CSMD3: variants seen among roughly 807,000 people sequenced by gnomAD.
CSMD3 encodes the protein CUB and sushi domain-containing protein 3.
CSMD3 carries 177 observed loss-of-function variants against 435.2 expected under a neutral mutation model. The observed-to-expected ratio is 0.41, with a 90% CI of 0.36 to 0.46. The LOEUF (loss-of-function observed/expected upper bound fraction) is 0.46, where lower values mean the gene tolerates loss of function less well. Among genes scored for constraint, CSMD3 ranks in the 20% least tolerant of loss-of-function variants. The probability of loss-of-function intolerance (pLI) is 0.34; values close to 1 mark genes in which losing one functional copy is unlikely to be tolerated. For missense variants in CSMD3, 4,265 were observed against 4,504.6 expected (o/e 0.95, Z 1.52); for synonymous variants, 1,656 against 1,520.5 (o/e 1.09, Z -2.07).
chr8:112,231,203 G>A (rs1215377677), intron 69 of CSMD3, among the ~76,000 whole-genome samples: 3 of 152,192 alleles, frequency 2.0e-5, no homozygotes, highest in Non-Finnish European at 4.4e-5. Context: ...AAGAAAAGTA[G>A]TACAGTTCTC....
chr8:113,080,734 C>G lies in CSMD3; in HGVS notation c.917+18022G>C, dbSNP rs77182434. On this transcript the variant is annotated intron_variant, in intron 5 of 70. Transcript: ENST00000297405. The stretch of plus-strand genomic sequence containing the variant: ...TATTTCCCTAGGTGTAGTTTCTAAC[C>G]AGAGAAACCAAATTTGACTGAAATA... 5.1e-4 allele frequency among the ~76,000 whole-genome samples: 78 copies of G among 152,240 alleles called. 1 individual carries two copies. The East Asian group carries it at 9.3e-3, about 18-fold the overall frequency.
intron 16 of CSMD3, among the ~76,000 whole-genome samples, chr8:112,670,311 A>G (rs1312317754): frequency 6.6e-6 from 1 of 152,192 alleles, no homozygotes; most frequent in Non-Finnish European, 1.5e-5. Context: ...AGAAGTGATG[A>G]GAGAAAATTA....
intron 4 of CSMD3, among the ~76,000 whole-genome samples, chr8:113,126,396 A>AAT (rs2091129668): frequency 6.6e-6 from 1 of 151,936 alleles, no homozygotes; most frequent in African/African-American, 2.4e-5. Context: ...TATATCAAAA[A>AAT]ATATATATAT....
At chr8:113,253,225 A>T (rs913612612) in intron 3 of CSMD3, among the ~76,000 whole-genome samples, 1 of 152,040 alleles carries the variant, frequency 6.6e-6, no homozygotes. Flanking sequence ...GCTGACAAAA[A>T]AAAACTGACT....
intron 4 of CSMD3, among the ~76,000 whole-genome samples, chr8:113,127,191 T>C (rs1209153354): frequency 1.3e-5 from 2 of 152,038 alleles, no homozygotes; most frequent in African/African-American, 4.8e-5. Flanking sequence ...TAGTTAACAT[T>C]TGTTGAAAGG....
chr8:113,391,465 T>C (rs1001033373), intron 1 of CSMD3, among the ~76,000 whole-genome samples: 1 of 152,042 alleles, frequency 6.6e-6, no homozygotes, highest in African/African-American at 2.4e-5. Flanking sequence ...TTAGAAGTAA[T>C]TATTTGTATT....
chr8:112,284,567 T>G (rs866377198), intron 58 of CSMD3, among the ~76,000 whole-genome samples: 5,296 of 151,916 alleles, frequency 0.035, 303 homozygotes, highest in African/African-American at 0.12. Context: ...TATCGTAATA[T>G]TTTATTGACT....
rs2074736583 is a variant in CSMD3, at chr8:112,638,798, G to A, written c.3424C>T (p.Pro1142Ser). The change falls in exon 21 of 71, where the codon CCT becomes TCT. Residue 1142 changes from proline to serine, a missense_variant. Pro to Ser is a moderately conservative substitution (Grantham distance 74). Around this residue, in one of 3 missense-constraint regions of CSMD3, gnomAD observed 3,255 missense variants for 3,380.2 expected, o/e 0.96. Coordinates refer to ENST00000297405, the MANE Select transcript of CSMD3 (RefSeq NM_198123.2). Reference sequence around the variant, plus strand: ...TAGAGACCAGCATTGATTGTTGGAGGAAGATCTGAACCAGTCAGGCGTGCC... The same window carrying A: ...TAGAGACCAGCATTGATTGTTGGAGAAAGATCTGAACCAGTCAGGCGTGCC... The part of the protein sequence containing the change: ...PLARLTGSDL[P>S]PTINAGLYGN... 1 of 1,612,478 alleles carries A rather than the reference G, an allele frequency of 6.2e-7. No homozygotes were observed. The highest frequency in any genetic ancestry group is 8.5e-7 in the Non-Finnish European group (1 of 1,178,766).
chr8:112,761,907 G>A (rs1193838640), intron 13 of CSMD3, among the ~76,000 whole-genome samples: 1 of 152,014 alleles, frequency 6.6e-6, no homozygotes, highest in African/African-American at 2.4e-5. Flanking sequence ...TACTGCAACC[G>A]AAAATCTTGA....
chr8:113,149,416 T>C (rs1446944675), intron 4 of CSMD3, among the ~76,000 whole-genome samples: 1 of 151,764 alleles, frequency 6.6e-6, no homozygotes, highest in African/African-American at 2.4e-5. Flanking sequence ...ACTTATAAAA[T>C]TGCACTGCTT....
intron 29 of CSMD3, among the ~76,000 whole-genome samples, chr8:112,504,958 G>A (rs899499494): frequency 1.3e-5 from 2 of 152,076 alleles, no homozygotes; most frequent in African/African-American, 4.8e-5. Context: ...AACTATTTTG[G>A]CAAGTTTTAT....
intron 3 of CSMD3, among the ~76,000 whole-genome samples, chr8:113,202,059 G>A (rs2092721201): frequency 6.6e-6 from 1 of 152,102 alleles, no homozygotes; most frequent in Admixed American, 6.6e-5. Flanking sequence ...TCTATTGATG[G>A]CGCTTTCACA....
At chr8:113,330,491 A>T (rs2094019074) in intron 1 of CSMD3, among the ~76,000 whole-genome samples, 1 of 151,996 alleles carries the variant, frequency 6.6e-6, no homozygotes, top group South Asian at 2.1e-4. Context: ...AATGGAATAA[A>T]CACTCCAATT....
intron 32 of CSMD3, among the ~76,000 whole-genome samples, chr8:112,410,628 G>GTATATATATATGTATATATATGTA: frequency 1.4e-5 from 1 of 69,954 alleles, no homozygotes. Flanking sequence ...ATATATATGT[G>GTATATATATATGTATATATATGTA]TATATATATG....
At chr8:113,424,662 T>A (rs2094625786) in intron 1 of CSMD3, among the ~76,000 whole-genome samples, 1 of 151,142 alleles carries the variant, frequency 6.6e-6, no homozygotes, top group African/African-American at 2.4e-5. Context: ...ATTAAAGAAA[T>A]ACATGTGGGA....
chr8:112,729,811 T>G (rs1412251701), intron 13 of CSMD3, among the ~76,000 whole-genome samples: 3 of 152,048 alleles, frequency 2.0e-5, no homozygotes, highest in Non-Finnish European at 4.4e-5. Flanking sequence ...CACTATAAAC[T>G]GGAAGAGGCA....
chr8:113,033,634 A>C lies in CSMD3; in HGVS notation c.918-14455T>G, dbSNP rs1276041240. ...TTGATTTTACAGGCTGATATGTGGAAGGGACTTGCCATGTCTCAGATGAGA... is the reference window on the plus strand; with the variant it reads ...TTGATTTTACAGGCTGATATGTGGACGGGACTTGCCATGTCTCAGATGAGA... On this transcript the variant is annotated intron_variant, in intron 5 of 70. Transcript: ENST00000297405. Among the ~76,000 whole-genome samples the C allele has an allele frequency of 2.0e-5, 3 of 149,926 alleles. No homozygotes were observed. The East Asian group carries it at 5.8e-4, about 29-fold the overall frequency.
At chr8:112,663,839 A>G (rs2075450250) in intron 17 of CSMD3, among the ~76,000 whole-genome samples, 1 of 152,162 alleles carries the variant, frequency 6.6e-6, no homozygotes, top group African/African-American at 2.4e-5. Context: ...ATGCAAATGA[A>G]TAGAGTAATG....
At chr8:113,087,262 C>T (rs1167449520) in intron 5 of CSMD3, among the ~76,000 whole-genome samples, 4 of 151,990 alleles carry the variant, frequency 2.6e-5, no homozygotes, top group South Asian at 2.1e-4. Context: ...GAATCAATAT[C>T]GTGAAAATGG....
Sources: gnomAD v4.1 joint callset for allele counts (sites outside exome capture counted in the v4.1 genomes callset) on GRCh38, gnomAD v4.1.1 for gene constraint, gnomAD v4.1.1 regional missense constraint, MANE v1.5 for transcripts, NCBI Gene and HGNC (gene_info 2026-07-23, HGNC 2026-07-21) for gene names.